CCDC171: variants seen among roughly 807,000 people sequenced by gnomAD.
CCDC171 encodes coiled-coil domain-containing protein 171.
In CCDC171, 177 loss-of-function variants were observed where a neutral mutation model predicts 168.2. That is an observed-to-expected ratio of 1.05 (90% CI 0.93 to 1.19). The LOEUF (loss-of-function observed/expected upper bound fraction) is 1.19, where lower values mean the gene tolerates loss of function less well. CCDC171 is among the 50% of genes most tolerant of loss of function. The probability of loss-of-function intolerance (pLI) is 0.00; values close to 1 mark genes in which losing one functional copy is unlikely to be tolerated. For missense variants in CCDC171, 1,991 were observed against 1,539.0 expected (o/e 1.29, Z -4.91); for synonymous variants, 687 against 540.8 (o/e 1.27, Z -3.75).
intron 23 of CCDC171, among the ~76,000 whole-genome samples, chr9:15,857,613 G>T (rs946904076): frequency 2.0e-5 from 3 of 151,824 alleles, no homozygotes; most frequent in African/African-American, 7.3e-5. Context: ...AATAGAGGTG[G>T]AGTTTCACCA....
At chr9:15,859,266 T>C (rs2061460521) in intron 23 of CCDC171, among the ~76,000 whole-genome samples, 2 of 152,076 alleles carry the variant, frequency 1.3e-5, no homozygotes, top group African/African-American at 2.4e-5. Context: ...AATCCTTTAA[T>C]TGTGCTTTTG....
intron 11 of CCDC171, among the ~76,000 whole-genome samples, chr9:15,700,541 C>T (rs2051643458): frequency 6.6e-6 from 1 of 152,254 alleles, no homozygotes; most frequent in Non-Finnish European, 1.5e-5. Context: ...GGTTCGAGCC[C>T]AGGCAGAGGA....
At chr9:15,899,342 A>G (rs939438521) in intron 24 of CCDC171, among the ~76,000 whole-genome samples, 2 of 134,464 alleles carry the variant, frequency 1.5e-5, no homozygotes, top group African/African-American at 5.5e-5. Flanking sequence ...TCATTTTTCT[A>G]GGATAAGTAC....
chr9:15,837,072 A>G (rs1588765251), intron 21 of CCDC171, among the ~76,000 whole-genome samples: 1 of 152,186 alleles, frequency 6.6e-6, no homozygotes, highest in Non-Finnish European at 1.5e-5. Flanking sequence ...TCCGGGAGTC[A>G]TATGTCTGGT....
chr9:15,749,336 C>T (rs2055547875), intron 18 of CCDC171, among the ~76,000 whole-genome samples: 1 of 152,112 alleles, frequency 6.6e-6, no homozygotes, highest in Non-Finnish European at 1.5e-5. Flanking sequence ...TTCTTAGAGA[C>T]CTACAAAGAG....
intron 25 of CCDC171, among the ~76,000 whole-genome samples, chr9:15,961,158 T>C (rs1830295755): frequency 1.3e-5 from 2 of 152,212 alleles, no homozygotes; most frequent in Admixed American, 1.3e-4. Flanking sequence ...GATTCTTTCC[T>C]TCCTCTGCTC....
intron 21 of CCDC171, among the ~76,000 whole-genome samples, chr9:15,834,597 C>T (rs1359747694): frequency 6.6e-6 from 1 of 152,134 alleles, no homozygotes. Context: ...CTTTATAATG[C>T]TTTGATCTTA....
chr9:15,759,573 TC>T (rs2056334702), intron 18 of CCDC171, among the ~76,000 whole-genome samples: 1 of 152,198 alleles, frequency 6.6e-6, no homozygotes, highest in African/African-American at 2.4e-5. Flanking sequence ...ATGGAAGAGT[TC>T]CTCAGTCTTT....
chr9:15,802,959 T>G (rs901778359), intron 21 of CCDC171, among the ~76,000 whole-genome samples: 2 of 152,192 alleles, frequency 1.3e-5, no homozygotes, highest in Non-Finnish European at 2.9e-5. Flanking sequence ...CTGACTGGTA[T>G]GAGATGGTAT....
At chr9:15,896,245 T>C (rs1820880499) in intron 24 of CCDC171, among the ~76,000 whole-genome samples, 1 of 152,042 alleles carries the variant, frequency 6.6e-6, no homozygotes, top group Admixed American at 6.6e-5. Flanking sequence ...CACATTTAAG[T>C]TGTATATGCC....
At chr9:15,610,792 C>G (rs1274143439) in intron 6 of CCDC171, among the ~76,000 whole-genome samples, 4 of 152,122 alleles carry the variant, frequency 2.6e-5, no homozygotes, top group African/African-American at 7.2e-5. Flanking sequence ...CTCCTGGACT[C>G]AAGTGGTCAT....
chr9:15,838,179 A>G (rs2060529580), intron 21 of CCDC171, among the ~76,000 whole-genome samples: 1 of 152,208 alleles, frequency 6.6e-6, no homozygotes, highest in Non-Finnish European at 1.5e-5. Flanking sequence ...TATTTAATAT[A>G]TACTCTGAGT....
At chr9:16,104,149 C>G in the CCDC171 span, among the ~76,000 whole-genome samples, 1 of 151,926 alleles carries the variant, frequency 6.6e-6, no homozygotes, top group Non-Finnish European at 1.5e-5. Context: ...TTCTTTCCCT[C>G]CTCTCCTTCT....
At chr9:15,715,781 G>GA (rs1329015760) in intron 11 of CCDC171, among the ~76,000 whole-genome samples, 1 of 152,108 alleles carries the variant, frequency 6.6e-6, no homozygotes, top group African/African-American at 2.4e-5. Flanking sequence ...TTTTTCTGTA[G>GA]AACTATGGAT....
chr9:15,900,959 G>T (rs534437509), intron 24 of CCDC171, among the ~76,000 whole-genome samples: 15 of 152,220 alleles, frequency 9.9e-5, no homozygotes, highest in East Asian at 3.9e-4. Context: ...TGCCACAGGG[G>T]AGTAGTCTCC....
chr9:15,946,842 A>G (rs972939742), intron 25 of CCDC171, among the ~76,000 whole-genome samples: 3 of 152,000 alleles, frequency 2.0e-5, no homozygotes, highest in Non-Finnish European at 4.4e-5. Flanking sequence ...CCTCTGCCTA[A>G]GTAAATGTTG....
At chr9:15,574,271 C>T (rs1245819084) in intron 3 of CCDC171, among the ~76,000 whole-genome samples, 8 of 151,882 alleles carry the variant, frequency 5.3e-5, no homozygotes, top group Admixed American at 1.3e-4. Flanking sequence ...CAGCCTCCTG[C>T]GTAGCTGGGA....
chr9:15,824,992 A>T (rs1427749627), intron 21 of CCDC171, among the ~76,000 whole-genome samples: 1 of 152,098 alleles, frequency 6.6e-6, no homozygotes, highest in African/African-American at 2.4e-5. Flanking sequence ...AAGTAATATT[A>T]TTGAAGAGAT....
chr9:15,659,032 G>A (rs1357384046), intron 8 of CCDC171, among the ~76,000 whole-genome samples: 1 of 152,194 alleles, frequency 6.6e-6, no homozygotes, highest in African/African-American at 2.4e-5. Context: ...GTGGGCAGAT[G>A]CAGTTGACTG....
Sources: allele counts gnomAD v4.1 joint callset (sites outside exome capture counted in the v4.1 genomes callset), GRCh38; gene constraint gnomAD v4.1.1; transcripts MANE v1.5; gene names NCBI Gene and HGNC (gene_info 2026-07-23, HGNC 2026-07-21).